PABIR3: variants seen among roughly 807,000 people sequenced by gnomAD.
PABIR3 encodes PABIR family member 1.
In PABIR3, 20 loss-of-function variants were observed where a neutral mutation model predicts 23.1. That is an observed-to-expected ratio of 0.86 (90% CI 0.61 to 1.26). The LOEUF (loss-of-function observed/expected upper bound fraction) is 1.26. Ranked by LOEUF, PABIR3 falls within the 50% of genes most tolerant of loss-of-function variation. PABIR3 has a pLI of 0.00. For synonymous variants in PABIR3, 69 were observed against 68.5 expected, an observed-to-expected ratio of 1.01 and a Z score of -0.04; for missense variants, 189 against 195.4, an observed-to-expected ratio of 0.97 and a Z score of 0.20.
At chrX:134,814,691 G>A (rs2080870695) in intron 2 of PABIR3, 80 bp from the exon 3 acceptor site, 9 of 764,399 alleles carry the variant, frequency 1.2e-5, no homozygotes, top group Admixed American at 3.5e-5. Context: ...AGAACAGAGC[G>A]AGACTCCGTC....
intron 4 of PABIR3, among the ~76,000 whole-genome samples, chrX:134,837,809 A>G (rs1037768184): frequency 2.7e-5 from 3 of 112,145 alleles, no homozygotes; most frequent in African/African-American, 9.7e-5. Flanking sequence ...CAGTTTCACA[A>G]AACTACCTGC....
intron 4 of PABIR3, chrX:134,839,041 C>G (rs1261513411): frequency 8.5e-6 from 1 of 118,280 alleles, no homozygotes; most frequent in Non-Finnish European, 1.7e-5. Flanking sequence ...TCTCGGCTCG[C>G]TACAACCTCC....
chrX:134,848,081 T>TGG, intron 8 of PABIR3, 110 bp downstream of exon 8: 1 of 655,657 alleles, frequency 1.5e-6, no homozygotes, highest in Non-Finnish European at 2.3e-6. Context: ...GTGACTTCTT[T>TGG]TTAGGGAAAT....
the PABIR3 span, among the ~76,000 whole-genome samples, chrX:134,862,285 G>A: frequency 9.3e-6 from 1 of 107,675 alleles, no homozygotes; most frequent in Admixed American, 1.0e-4. Flanking sequence ...CGAGTAGCTG[G>A]ACTACAAGCA....
intron 7 of PABIR3, 74 bp downstream of exon 7, chrX:134,847,549 AAAAC>A: frequency 2.7e-6 from 2 of 749,288 alleles, no homozygotes; most frequent in Non-Finnish European, 4.0e-6. Context: ...AATGGTCACC[AAAAC>A]AAATATTTTG....
In PABIR3 at chrX:134,852,896, AGT is replaced by A. The variant is rs2082686403; in HGVS notation, c.686+2_686+3del. On this transcript the variant is annotated splice_donor_variant, in intron 10 of 10. Transcript: ENST00000645433. LOFTEE classifies it high-confidence loss of function. ...TCCCAACTGTCAGAAAATAATGTGT[AGT>A]GAGTATTAACATGAGATTTTAAACA... is the stretch of plus-strand genomic sequence containing the variant. 1.8e-6 allele frequency: 2 copies of A among 1,096,863 alleles called. No individual in the cohort carries two copies. The highest frequency in any genetic ancestry group is 2.4e-6 in the Non-Finnish European group (2 of 833,282). 90.4% of individuals were successfully genotyped at this position (1,096,863 alleles called of 1,213,427 possible).
chrX:134,845,907 G>A (rs778836025), intron 6 of PABIR3, among the ~76,000 whole-genome samples: 1 of 111,738 alleles, frequency 8.9e-6, no homozygotes, highest in Non-Finnish European at 1.9e-5. Context: ...CATAATTTAT[G>A]AACTATATAT....
intron 2 of PABIR3, chrX:134,809,442 G>A (rs996646248): frequency 1.6e-4 from 118 of 727,763 alleles, no homozygotes; most frequent in Non-Finnish European, 1.7e-4. Flanking sequence ...TGGGATTACA[G>A]GCGTGAGCCA....
chrX:134,825,336 G>A (rs185724991), intron 3 of PABIR3, among the ~76,000 whole-genome samples: 1 of 111,559 alleles, frequency 9.0e-6, no homozygotes, highest in East Asian at 2.8e-4. Context: ...AGTAGTAATA[G>A]TTACCATTTA....
chrX:134,863,280 AATTAAGATT>A, the PABIR3 span, among the ~76,000 whole-genome samples: 2 of 112,105 alleles, frequency 1.8e-5, no homozygotes, highest in Non-Finnish European at 3.8e-5. Context: ...ATAATGAAAA[AATTAAGATT>A]ATATGAGAGA....
chrX:134,798,103 G>T (rs1346604852), intron 1 of PABIR3, among the ~76,000 whole-genome samples: 1 of 111,778 alleles, frequency 8.9e-6, no homozygotes, highest in Admixed American at 9.4e-5. Context: ...TTACAGGCAC[G>T]AGCCACCGCG....
upstream of PABIR3, among the ~76,000 whole-genome samples, chrX:134,806,224 A>T (rs2080224743): frequency 8.9e-6 from 1 of 112,596 alleles, no homozygotes; most frequent in Non-Finnish European, 1.9e-5. Flanking sequence ...TTTGTTTTTA[A>T]AAAAGCCTCA....
chrX:134,810,949 T>C, intron 2 of PABIR3: 6 of 754,383 alleles, frequency 8.0e-6, no homozygotes, highest in Non-Finnish European at 9.4e-6. Flanking sequence ...GGATGTTTTG[T>C]GCTGTTGTAG....
At chrX:134,846,466 G>T (rs983687639) in intron 6 of PABIR3, among the ~76,000 whole-genome samples, 5 of 112,132 alleles carry the variant, frequency 4.5e-5, no homozygotes, top group African/African-American at 1.6e-4. Context: ...TTACCTAGTT[G>T]TGGTAGCTGA....
chrX:134,844,908 CTG>C (rs2082382983), intron 4 of PABIR3, among the ~76,000 whole-genome samples: 2 of 111,978 alleles, frequency 1.8e-5, no homozygotes, highest in South Asian at 7.4e-4. Context: ...TTAGGGAAAA[CTG>C]TATAATTTTG....
At chrX:134,853,178 C>T (rs773764105) in intron 10 of PABIR3, among the ~76,000 whole-genome samples, 12 of 111,530 alleles carry the variant, frequency 1.1e-4, no homozygotes, top group Admixed American at 1.1e-3. Flanking sequence ...AGTCCTCCCA[C>T]CTCAGCCTCC....
chrX:134,819,934 ACAATAAGGAG>A (rs2081184202), intron 3 of PABIR3, among the ~76,000 whole-genome samples: 1 of 111,300 alleles, frequency 9.0e-6, no homozygotes, highest in Non-Finnish European at 1.9e-5. Flanking sequence ...AGAGACTTAA[ACAATAAGGAG>A]CAATAAGGAG....
intron 4 of PABIR3, among the ~76,000 whole-genome samples, chrX:134,839,769 T>C (rs1370900575): frequency 3.5e-5 from 3 of 86,062 alleles, no homozygotes; most frequent in African/African-American, 4.6e-5. Context: ...GCCAGCCGCC[T>C]CGTCCGGGAG....
In PABIR3 at chrX:134,828,010, G is replaced by GCTCTCT. The variant is rs1167724649; in HGVS notation, c.190-1183_190-1178dup. 5.9e-3 allele frequency among the ~76,000 whole-genome samples: 360 copies of GCTCTCT among 61,255 alleles called. 4 individuals are homozygous for GCTCTCT. The highest frequency in any genetic ancestry group is 8.5e-3 in the African/African-American group (126 of 14,871). The allele number at this position is 61,255 out of a possible 115,157, so 53.2% of individuals were successfully genotyped here. On this transcript the variant is annotated intron_variant, in intron 3 of 10. Transcript: ENST00000645433. Reference sequence around the variant, plus strand: ...TTCGATCTTCAGAGTCTAGCTCAGTGCTCTCTCTCTCTCTCTCTCTCTCTC... The same window carrying GCTCTCT: ...TTCGATCTTCAGAGTCTAGCTCAGTGCTCTCTCTCTCTCTCTCTCTCTCTCTCTCTC...
Sources: gnomAD v4.1 joint callset for allele counts (sites outside exome capture counted in the v4.1 genomes callset) on GRCh38, gnomAD v4.1.1 for gene constraint, MANE v1.5 for transcripts, NCBI Gene and HGNC (gene_info 2026-07-23, HGNC 2026-07-21) for gene names.